KCNMA1: variants seen among roughly 807,000 people sequenced by gnomAD.
KCNMA1 encodes potassium calcium-activated channel subfamily M alpha 1, also known as Calcium-activated potassium channel subunit alpha-1.
Under a neutral mutation model 140.0 loss-of-function variants are expected in KCNMA1, and 29 were observed. That is an observed-to-expected ratio of 0.21 (90% confidence interval 0.15 to 0.28). The LOEUF is 0.28. Ranked by LOEUF, KCNMA1 falls within the 10% of genes least tolerant of loss-of-function variation. The probability of loss-of-function intolerance (pLI) is 1.00; values close to 1 mark genes in which losing one functional copy is unlikely to be tolerated. For missense variants in KCNMA1, 880 were observed against 1,602.2 expected (o/e 0.55, Z 7.70); for synonymous variants, 612 against 611.9 (o/e 1.00, Z 0.00).
chr10:77,417,515 G>A (rs1397794597), intron 1 of KCNMA1, among the ~76,000 whole-genome samples: 2 of 152,188 alleles, frequency 1.3e-5, no homozygotes, highest in East Asian at 3.8e-4. Context: ...GTTCCTCAGG[G>A]CAGCTACATT....
chr10:77,555,062 A>ACACACACACACACACACACACG (rs537653183), intron 1 of KCNMA1, among the ~76,000 whole-genome samples: 2,063 of 151,982 alleles, frequency 0.014, 50 homozygotes, highest in African/African-American at 0.048. Context: ...CCACATACAC[A>ACACACACACACACACACACACG]CACGCACGCA....
intron 19 of KCNMA1, among the ~76,000 whole-genome samples, chr10:76,981,726 A>G (rs534076768): frequency 1.1e-4 from 16 of 152,232 alleles, no homozygotes; most frequent in African/African-American, 3.4e-4. Context: ...GACAAGATCA[A>G]TTCTCTCCTT....
At chr10:77,330,426 C>A (rs113997978) in intron 2 of KCNMA1, among the ~76,000 whole-genome samples, 1,694 of 152,254 alleles carry the variant, frequency 0.011, 20 homozygotes, top group African/African-American at 0.038. Flanking sequence ...ATCTCCATTG[C>A]CTTGCTCCTT....
At chr10:77,428,641 T>A (rs1035630149) in intron 1 of KCNMA1, among the ~76,000 whole-genome samples, 2 of 152,174 alleles carry the variant, frequency 1.3e-5, no homozygotes, top group African/African-American at 2.4e-5. Context: ...ATTGGTCCCA[T>A]GCAGTCTCTG....
intron 1 of KCNMA1, among the ~76,000 whole-genome samples, chr10:77,446,027 A>G (rs1172923571): frequency 6.6e-6 from 1 of 152,138 alleles, no homozygotes; most frequent in Non-Finnish European, 1.5e-5. Flanking sequence ...CTTAGAAGGC[A>G]CTTAGCAGGT....
At chr10:77,558,343 C>T (rs183581892) in intron 1 of KCNMA1, among the ~76,000 whole-genome samples, 265 of 152,272 alleles carry the variant, frequency 1.7e-3, no homozygotes, top group Non-Finnish European at 2.3e-3. Flanking sequence ...CACCTCTGCA[C>T]GCCAAGCTGG....
At chr10:77,256,855 A>T (rs1458425467) in intron 2 of KCNMA1, among the ~76,000 whole-genome samples, 4 of 152,146 alleles carry the variant, frequency 2.6e-5, no homozygotes. Context: ...ATTAAAAAAT[A>T]CACTTTGGGA....
intron 2 of KCNMA1, among the ~76,000 whole-genome samples, chr10:77,336,201 C>T (rs540479192): frequency 3.4e-4 from 51 of 152,104 alleles, no homozygotes; most frequent in South Asian, 2.9e-3. Flanking sequence ...ATATTGACTA[C>T]GAGACTTGTT....
rs186256953 is a variant in KCNMA1, at chr10:77,158,875, C to T, written c.808+24546G>A. 9.2e-5 allele frequency among the ~76,000 whole-genome samples: 14 copies of T among 152,208 alleles called. No individual in the cohort carries two copies. The East Asian group carries it at 1.9e-3, about 21-fold the overall frequency. The stretch of plus-strand genomic sequence containing the variant: ...GATATGGTAGCCTGGCCAGCCAATG[C>T]GTAAGTGTAATAAGTAATCCTCATA... On this transcript the variant is annotated intron_variant, in intron 5 of 27. Transcript: ENST00000286628.
chr10:77,499,774 T>C (rs1383577316), intron 1 of KCNMA1, among the ~76,000 whole-genome samples: 1 of 152,182 alleles, frequency 6.6e-6, no homozygotes, highest in African/African-American at 2.4e-5. Flanking sequence ...GATCTGGCAA[T>C]GAACCCTAAG....
chr10:76,885,797 G>T lies in KCNMA1; in HGVS notation c.*1469C>A, dbSNP rs2036626004. On this transcript the variant is annotated 3_prime_UTR_variant, in exon 28 of 28. Coordinates refer to ENST00000286628, the MANE Select transcript of KCNMA1 (RefSeq NM_001161352.2). ...TCTGACAACTATATGTTGAAAAAAG[G>T]GTATTTTTCTACCTCTCCTCTCATG... 1.0e-6 allele frequency: 1 copy of T among 984,554 alleles called. No homozygotes were observed. The highest frequency in any genetic ancestry group is 1.2e-6 in the Non-Finnish European group (1 of 829,424). 61.0% of individuals were successfully genotyped at this position (984,554 alleles called of 1,614,324 possible).
chr10:77,088,073 G>C (rs1424794229), intron 10 of KCNMA1, among the ~76,000 whole-genome samples: 1 of 152,164 alleles, frequency 6.6e-6, no homozygotes, highest in Non-Finnish European at 1.5e-5. Context: ...TGATTTTTGT[G>C]CCTCAGCCTT....
intron 14 of KCNMA1, among the ~76,000 whole-genome samples, chr10:77,062,505 T>C (rs2095793557): frequency 6.6e-6 from 1 of 152,208 alleles, no homozygotes; most frequent in African/African-American, 2.4e-5. Context: ...GACTAAACTT[T>C]ATAGCTTTCT....
intron 14 of KCNMA1, 94 bp downstream of exon 14, chr10:77,073,003 C>G: frequency 1.6e-6 from 2 of 1,234,818 alleles, no homozygotes; most frequent in Non-Finnish European, 2.4e-6. Context: ...GGTTAGAGCC[C>G]GTCGATCTGT....
intron 23 of KCNMA1, 150 bp from the exon 24 acceptor site, chr10:76,915,199 G>A (rs1347839790): frequency 1.5e-6 from 1 of 652,262 alleles, no homozygotes; most frequent in Non-Finnish European, 2.8e-6. Context: ...AAACTCTGAT[G>A]ATTAATTCTT....
intron 1 of KCNMA1, among the ~76,000 whole-genome samples, chr10:77,540,703 G>A (rs1233379444): frequency 6.6e-6 from 1 of 152,190 alleles, no homozygotes; most frequent in African/African-American, 2.4e-5. Flanking sequence ...AAATTTAAGA[G>A]TAATCACTAG....
chr10:77,634,695 T>A, intron 1 of KCNMA1: 1 of 982,712 alleles, frequency 1.0e-6, no homozygotes, highest in Non-Finnish European at 1.2e-6. Flanking sequence ...AAAATTATTA[T>A]TCTAAGCTTA....
At chr10:77,328,813 T>C (rs1186110859) in intron 2 of KCNMA1, among the ~76,000 whole-genome samples, 3 of 152,132 alleles carry the variant, frequency 2.0e-5, no homozygotes, top group Non-Finnish European at 2.9e-5. Context: ...AGAATAAATA[T>C]ATATCTATAT....
chr10:77,058,399 T>C (rs2095620365), intron 14 of KCNMA1, among the ~76,000 whole-genome samples: 3 of 152,022 alleles, frequency 2.0e-5, no homozygotes, highest in African/African-American at 4.8e-5. Context: ...ACAACACCAT[T>C]AGCCGACTAG....
Sources: allele counts gnomAD v4.1 joint callset (sites outside exome capture counted in the v4.1 genomes callset), GRCh38; gene constraint gnomAD v4.1.1; transcripts MANE v1.5; gene names NCBI Gene and HGNC (gene_info 2026-07-23, HGNC 2026-07-21).